AFF3: variants seen among roughly 807,000 people sequenced by gnomAD.
AFF3 encodes AF4/FMR2 family member 3.
A neutral mutation model predicts 129.7 loss-of-function variants in AFF3; 32 were observed. The ratio of observed to expected loss-of-function variants is 0.25; its 90% CI spans 0.19 to 0.33. The LOEUF (loss-of-function observed/expected upper bound fraction) is 0.33, where lower values mean the gene tolerates loss of function less well. AFF3 is among the 10% of genes least tolerant of loss of function. The pLI is 1.00. For synonymous variants in AFF3, 644 were observed against 635.4 expected (o/e 1.01, Z -0.20); for missense variants, 1,373 against 1,592.0 (o/e 0.86, Z 2.34).
chr2:99,880,410 A>G (rs1316753173), intron 7 of AFF3, among the ~76,000 whole-genome samples: 1 of 152,154 alleles, frequency 6.6e-6, no homozygotes, highest in East Asian at 1.9e-4. Context: ...CTCGGGAAAG[A>G]CCAAACAGAC....
At chr2:100,054,570 G>A (rs181368916) in intron 4 of AFF3, among the ~76,000 whole-genome samples, 2 of 152,290 alleles carry the variant, frequency 1.3e-5, no homozygotes, top group Admixed American at 1.3e-4. Flanking sequence ...CCTTTGAACT[G>A]GAACTCACAC....
intron 17 of AFF3, among the ~76,000 whole-genome samples, chr2:99,579,090 CAGGAATCACT>C (rs1677266316): frequency 6.6e-6 from 1 of 152,188 alleles, no homozygotes; most frequent in Non-Finnish European, 1.5e-5. Context: ...AAGGAGTCAA[CAGGAATCACT>C]AGGAATTACT....
intron 10 of AFF3, among the ~76,000 whole-genome samples, chr2:99,731,177 C>T (rs553957811): frequency 3.3e-4 from 50 of 152,236 alleles, no homozygotes; most frequent in East Asian, 1.5e-3. Context: ...AGGCTGCTCT[C>T]GAAATCCTGG....
chr2:100,023,588 C>T (rs545175189), intron 4 of AFF3, among the ~76,000 whole-genome samples: 1 of 152,102 alleles, frequency 6.6e-6, no homozygotes, highest in Non-Finnish European at 1.5e-5. Context: ...TCACTGAACG[C>T]ATAGTTTCCA....
chr2:99,563,618 C>G (rs1194367780), intron 20 of AFF3, among the ~76,000 whole-genome samples: 1 of 151,286 alleles, frequency 6.6e-6, no homozygotes, highest in African/African-American at 2.4e-5. Context: ...CAAGACCATC[C>G]TGACCAACAT....
intron 13 of AFF3, among the ~76,000 whole-genome samples, chr2:99,602,109 G>A (rs767129596): frequency 2.6e-5 from 4 of 152,208 alleles, no homozygotes; most frequent in Non-Finnish European, 5.9e-5. Context: ...GGAAGGGCAC[G>A]GCGTTCTGCT....
chr2:99,578,832 T>G (rs112378152), intron 17 of AFF3, among the ~76,000 whole-genome samples: 32 of 152,302 alleles, frequency 2.1e-4, no homozygotes, highest in African/African-American at 7.2e-4. Flanking sequence ...CAGTTCAGTC[T>G]TCATCAGCAT....
chr2:99,978,596 G>T (rs1679102885), intron 7 of AFF3, among the ~76,000 whole-genome samples: 1 of 152,152 alleles, frequency 6.6e-6, no homozygotes, highest in African/African-American at 2.4e-5. Context: ...GCAGGGAAGA[G>T]ATGAACAACC....
At chr2:99,686,024 T>TA (rs1675020832) in intron 11 of AFF3, among the ~76,000 whole-genome samples, 1 of 151,760 alleles carries the variant, frequency 6.6e-6, no homozygotes, top group Non-Finnish European at 1.5e-5. Flanking sequence ...CTGTCTCCAC[T>TA]AAAAATACAA....
At chr2:99,651,454 T>C (rs1188324540) in intron 12 of AFF3, among the ~76,000 whole-genome samples, 2 of 152,070 alleles carry the variant, frequency 1.3e-5, no homozygotes, top group Non-Finnish European at 1.5e-5. Context: ...CTGTTTTTTT[T>C]TTTCTGAGAC....
intron 7 of AFF3, among the ~76,000 whole-genome samples, chr2:99,879,833 G>A (rs926179370): frequency 6.6e-6 from 1 of 152,196 alleles, no homozygotes; most frequent in South Asian, 2.1e-4. Flanking sequence ...AATGTCCATG[G>A]GAACAGATAA....
At position 99,551,062 on chromosome 2, in the gene AFF3, C is replaced by A. The variant is rs1483691021; in HGVS notation, c.*412G>T. Reference sequence around the variant, plus strand: ...GCTGTATTGCACCTGGTTAACTAACCCATGAGATTTTGGTTGAATTTTCTA... The same window carrying A: ...GCTGTATTGCACCTGGTTAACTAACACATGAGATTTTGGTTGAATTTTCTA... On this transcript the variant is annotated 3_prime_UTR_variant, in exon 25 of 25. Coordinates refer to ENST00000672756, the MANE Select transcript of AFF3 (RefSeq NM_001386135.1). 10 of 423,696 alleles carry A rather than the reference C, an allele frequency of 2.4e-5. No individual in the cohort carries two copies. Among genetic ancestry groups the A allele is most frequent in the Non-Finnish European group, 2.5e-5 (6 of 239,584 alleles). The allele number at this position is 423,696 out of a possible 1,614,324, so 26.2% of individuals were successfully genotyped here.
At chr2:99,776,916 G>A (rs1373272258) in intron 8 of AFF3, among the ~76,000 whole-genome samples, 1 of 152,200 alleles carries the variant, frequency 6.6e-6, no homozygotes, top group Non-Finnish European at 1.5e-5. Context: ...TTGATGAAGA[G>A]TTTGTGGGGG....
chr2:99,571,985 T>A (rs1214990182), intron 18 of AFF3, among the ~76,000 whole-genome samples: 1 of 151,646 alleles, frequency 6.6e-6, no homozygotes, highest in Non-Finnish European at 1.5e-5. Flanking sequence ...CCATCTAATC[T>A]TCTATTTTTT....
intron 22 of AFF3, among the ~76,000 whole-genome samples, chr2:99,558,381 G>A (rs1197664709): frequency 6.6e-6 from 1 of 152,194 alleles, no homozygotes; most frequent in Non-Finnish European, 1.5e-5. Context: ...AGCACTCTGG[G>A]AGGTGGAGGC....
At chr2:100,067,618 G>A (rs1687835510) in intron 4 of AFF3, among the ~76,000 whole-genome samples, 1 of 151,936 alleles carries the variant, frequency 6.6e-6, no homozygotes, top group Non-Finnish European at 1.5e-5. Context: ...AATAATAATG[G>A]CAATTAATAA....
intron 1 of AFF3, among the ~76,000 whole-genome samples, chr2:100,140,421 C>T (rs1026265698): frequency 1.3e-5 from 2 of 152,144 alleles, no homozygotes; most frequent in African/African-American, 2.4e-5. Flanking sequence ...TCACTGGTCA[C>T]GTTTTGTTAC....
intron 8 of AFF3, among the ~76,000 whole-genome samples, chr2:99,771,814 G>A (rs1683512741): frequency 6.6e-6 from 1 of 152,152 alleles, no homozygotes; most frequent in African/African-American, 2.4e-5. Context: ...GAAGTTCTGT[G>A]AGCTGCCCAA....
intron 8 of AFF3, among the ~76,000 whole-genome samples, chr2:99,769,334 T>C (rs1205922938): frequency 6.6e-6 from 1 of 152,222 alleles, no homozygotes; most frequent in African/African-American, 2.4e-5. Flanking sequence ...CCAGAATTTC[T>C]GCTTGATTCT....
Sources: gnomAD v4.1 joint callset for allele counts (sites outside exome capture counted in the v4.1 genomes callset) on GRCh38, gnomAD v4.1.1 for gene constraint, MANE v1.5 for transcripts, NCBI Gene and HGNC (gene_info 2026-07-23, HGNC 2026-07-21) for gene names.